The following PIWIL2 variants were observed in gnomAD, a reference collection of about 807,000 sequenced individuals.
PIWIL2 encodes the protein piwi-like protein 2.
In PIWIL2, 81 loss-of-function variants were observed where a neutral mutation model predicts 116.5. The observed-to-expected ratio is 0.70, with a 90% CI of 0.58 to 0.84. PIWIL2 has a LOEUF of 0.84. Ranked by LOEUF, PIWIL2 falls within the 40% of genes least tolerant of loss-of-function variation. PIWIL2 has a pLI of 0.00. For missense variants in PIWIL2, 1,272 were observed against 1,212.3 expected (o/e 1.05, Z -0.73); for synonymous variants, 489 against 429.5 (o/e 1.14, Z -1.71).
rs955638978 is a variant in PIWIL2 at position 22,304,154 on chromosome 8, A to G, written c.1315A>G (p.Lys439Glu). 1.2e-6 allele frequency: 2 copies of G among 1,613,636 alleles called. No individual in the cohort carries two copies. Among genetic ancestry groups the G allele is most frequent in the Non-Finnish European group, 1.7e-6 (2 of 1,179,612 alleles). Residue 439 changes from lysine to glutamate, a missense_variant, in exon 11 of 23, where the codon AAG becomes GAG. By Grantham distance (56) the Lys-to-Glu change is moderately conservative. Coordinates refer to ENST00000356766, the MANE Select transcript of PIWIL2 (RefSeq NM_018068.5). ...IDDVDWNKTP[K>E]DSFTMSDGKE... The stretch of plus-strand genomic sequence containing the variant: ...TGATGTGGATTGGAATAAGACTCCA[A>G]AGGATAGCTTCACGATGTCTGATGG...
intron 20 of PIWIL2, among the ~76,000 whole-genome samples, chr8:22,340,074 A>ATTTTT: frequency 7.5e-6 from 1 of 133,636 alleles, no homozygotes; most frequent in African/African-American, 2.8e-5. Flanking sequence ...TTTTTTGAGA[A>ATTTTT]GGAGTTTCAC....
chr8:22,280,015 CTT>C (rs1042341912), intron 2 of PIWIL2, among the ~76,000 whole-genome samples: 2 of 151,724 alleles, frequency 1.3e-5, no homozygotes, highest in South Asian at 4.2e-4. Context: ...ACAAGGTTGT[CTT>C]TTTTTTTCTT....
At chr8:22,281,767 AT>A (rs1313870060) in intron 4 of PIWIL2, among the ~76,000 whole-genome samples, 6,075 of 118,510 alleles carry the variant, frequency 0.051, 95 homozygotes, top group Admixed American at 0.07. Flanking sequence ...GATCATGGTG[AT>A]TTTTTTTTTT....
chr8:22,278,177 A>AG (rs950107155), intron 1 of PIWIL2, among the ~76,000 whole-genome samples: 4 of 150,626 alleles, frequency 2.7e-5, no homozygotes, highest in Non-Finnish European at 5.9e-5. Context: ...TAAAAAAAAA[A>AG]GGGGGGGAGG....
chr8:22,357,504 G>A lies in PIWIL2; in HGVS notation c.*1999G>A, dbSNP rs999855610. On this transcript the variant is annotated 3_prime_UTR_variant, in exon 23 of 23. Coordinates refer to ENST00000356766, the MANE Select transcript of PIWIL2 (RefSeq NM_018068.5). Reference sequence around the variant, plus strand: ...TTTTTATTCTTGGTTTTCTTGCCTCGTTTTTCGGTTTTAATGCCAAATGAT... The same window carrying A: ...TTTTTATTCTTGGTTTTCTTGCCTCATTTTTCGGTTTTAATGCCAAATGAT... 3 of 151,934 alleles carry A rather than the reference G, an allele frequency of 2.0e-5. No individual in the cohort carries two copies. Among genetic ancestry groups the A allele is most frequent in the East Asian group, 1.9e-4 (1 of 5,196 alleles). 9.4% of individuals were successfully genotyped at this position (151,934 alleles called of 1,614,324 possible).
chr8:22,302,230 A>C (rs957176877), intron 10 of PIWIL2, among the ~76,000 whole-genome samples: 1 of 151,782 alleles, frequency 6.6e-6, no homozygotes, highest in South Asian at 2.1e-4. Context: ...TCACCAGGCT[A>C]AAGTGCAGTG....
chr8:22,301,643 T>C (rs1169069782), intron 10 of PIWIL2, among the ~76,000 whole-genome samples: 1 of 152,200 alleles, frequency 6.6e-6, no homozygotes, highest in Non-Finnish European at 1.5e-5. Context: ...TGAAGTAGAA[T>C]TTATACTTTT....
At chr8:22,304,681 T>C (rs1188440651) in intron 11 of PIWIL2, 103 bp from the exon 12 acceptor site, 1 of 655,778 alleles carries the variant, frequency 1.5e-6, no homozygotes, top group East Asian at 2.6e-5. Flanking sequence ...AAGAGTATTA[T>C]GCAAATTATA....
chr8:22,324,172 G>C (rs1831670663), intron 20 of PIWIL2, among the ~76,000 whole-genome samples: 1 of 152,192 alleles, frequency 6.6e-6, no homozygotes, highest in African/African-American at 2.4e-5. Flanking sequence ...TGAGGCAGGA[G>C]AATCACTTGA....
chr8:22,346,645 T>G (rs1832233719), intron 20 of PIWIL2, among the ~76,000 whole-genome samples: 1 of 152,170 alleles, frequency 6.6e-6, no homozygotes, highest in Non-Finnish European at 1.5e-5. Context: ...CCCTTTATAT[T>G]CTTAAATATT....
intron 20 of PIWIL2, among the ~76,000 whole-genome samples, chr8:22,326,393 A>G (rs1028636751): frequency 6.6e-6 from 1 of 152,106 alleles, no homozygotes; most frequent in Non-Finnish European, 1.5e-5. Context: ...GTGGTGGTAC[A>G]TGCCTGTAGT....
rs762307410 is a variant in PIWIL2, at chr8:22,279,358, G to T, written c.-29G>T. ...GATGGCAGGTAATTAACCAGAACAG[G>T]ATCGACACGTGTTCTCTACAGCCCG... On this transcript the variant is annotated 5_prime_UTR_variant, in exon 2 of 23. Transcript: ENST00000356766. 9.5e-6 allele frequency: 15 copies of T among 1,579,666 alleles called. No homozygotes were observed. The highest frequency in any genetic ancestry group is 1.2e-5 in the Non-Finnish European group (14 of 1,148,628).
intron 20 of PIWIL2, among the ~76,000 whole-genome samples, chr8:22,324,294 A>G (rs562385588): frequency 1.3e-5 from 2 of 152,270 alleles, no homozygotes; most frequent in African/African-American, 2.4e-5. Context: ...TGCTCACTGT[A>G]TAACCATTTA....
At chr8:22,354,207 G>T in intron 21 of PIWIL2, 64 bp from the exon 22 acceptor site, 1 of 1,065,658 alleles carries the variant, frequency 9.4e-7, no homozygotes. Flanking sequence ...CGATCTCCAG[G>T]ATCTTTGCCA....
At chr8:22,278,812 A>G (rs1033488989) in intron 1 of PIWIL2, among the ~76,000 whole-genome samples, 1 of 151,992 alleles carries the variant, frequency 6.6e-6, no homozygotes, top group Non-Finnish European at 1.5e-5. Flanking sequence ...TTAGATTCTC[A>G]TTGTGCAAAC....
intron 20 of PIWIL2, among the ~76,000 whole-genome samples, chr8:22,347,371 C>G (rs992987153): frequency 1.3e-5 from 2 of 151,742 alleles, no homozygotes; most frequent in Non-Finnish European, 2.9e-5. Flanking sequence ...CCCGCCACCA[C>G]ACCCAGCTAA....
chr8:22,288,989 T>C (rs1830694192), intron 8 of PIWIL2, among the ~76,000 whole-genome samples: 1 of 151,962 alleles, frequency 6.6e-6, no homozygotes, highest in South Asian at 2.1e-4. Flanking sequence ...CTTAAAGAGG[T>C]TGTGTGTAAA....
chr8:22,308,114 A>G (rs756989629), intron 14 of PIWIL2, 41 bp downstream of exon 14: 1 of 1,508,242 alleles, frequency 6.6e-7, no homozygotes, highest in Non-Finnish European at 9.1e-7. Flanking sequence ...ATGTACAGAG[A>G]CACGTGTGCA....
chr8:22,326,348 C>T (rs1831724106), intron 20 of PIWIL2, among the ~76,000 whole-genome samples: 1 of 152,064 alleles, frequency 6.6e-6, no homozygotes, highest in Non-Finnish European at 1.5e-5. Context: ...TGGTGAAACC[C>T]CCATCTCTAT....
Sources: allele counts gnomAD v4.1 joint callset (sites outside exome capture counted in the v4.1 genomes callset), GRCh38; gene constraint gnomAD v4.1.1; transcripts MANE v1.5; gene names NCBI Gene and HGNC (gene_info 2026-07-23, HGNC 2026-07-21).